The following EXOC6 variants were observed in gnomAD, a reference collection of about 807,000 sequenced individuals.
EXOC6 encodes SEC15-like 1.
EXOC6 carries 60 observed loss-of-function variants against 112.5 expected under a neutral mutation model. The ratio of observed to expected loss-of-function variants is 0.53; its 90% CI spans 0.43 to 0.66. The LOEUF is 0.66. EXOC6 is among the 30% of genes least tolerant of loss of function. The probability of loss-of-function intolerance (pLI) is 0.00; values close to 1 mark genes in which losing one functional copy is unlikely to be tolerated. For missense variants in EXOC6, 855 were observed against 957.1 expected, an observed-to-expected ratio of 0.89 and a Z score of 1.41; for synonymous variants, 295 against 308.0, an observed-to-expected ratio of 0.96 and a Z score of 0.44.
intron 4 of EXOC6, among the ~76,000 whole-genome samples, chr10:92,898,083 T>C (rs765802447): frequency 1.3e-5 from 2 of 151,990 alleles, no homozygotes; most frequent in Non-Finnish European, 2.9e-5. Flanking sequence ...TGCAGTGCAG[T>C]TGCCTAACTC....
At chr10:92,896,172 TA>T (rs1564810018) in intron 4 of EXOC6, among the ~76,000 whole-genome samples, 14 of 27,914 alleles carry the variant, frequency 5.0e-4, no homozygotes, top group East Asian at 5.2e-3. Context: ...TATATATATA[TA>T]TATATATATT....
intron 1 of EXOC6, among the ~76,000 whole-genome samples, chr10:92,866,538 T>C (rs1848182734): frequency 6.6e-6 from 1 of 152,170 alleles, no homozygotes; most frequent in African/African-American, 2.4e-5. Flanking sequence ...TATCAAGGTT[T>C]TGTTACCTAA....
intron 18 of EXOC6, among the ~76,000 whole-genome samples, chr10:92,991,483 T>A (rs1843251397): frequency 6.7e-6 from 1 of 148,874 alleles, no homozygotes; most frequent in Admixed American, 6.7e-5. Context: ...GGCAATATCA[T>A]GGGACTGCCA....
At chr10:92,844,107 C>T (rs543682103), upstream of EXOC6, among the ~76,000 whole-genome samples, 2 of 148,794 alleles carry the variant, frequency 1.3e-5, no homozygotes, top group African/African-American at 2.5e-5. Flanking sequence ...GCCGAGATCG[C>T]GCCACTGCAC....
At chr10:92,988,246 A>G (rs2134145666) in intron 18 of EXOC6, among the ~76,000 whole-genome samples, 1 of 152,230 alleles carries the variant, frequency 6.6e-6, no homozygotes. Flanking sequence ...TTACGGCTTT[A>G]TCGTATTTTG....
At chr10:92,897,525 C>T (rs1302049572) in intron 4 of EXOC6, among the ~76,000 whole-genome samples, 1 of 152,168 alleles carries the variant, frequency 6.6e-6, no homozygotes, top group Non-Finnish European at 1.5e-5. Context: ...GGCAAACCTG[C>T]CTCCTATTTT....
chr10:92,993,834 C>T (rs1843366494), intron 18 of EXOC6, among the ~76,000 whole-genome samples: 1 of 152,140 alleles, frequency 6.6e-6, no homozygotes, highest in African/African-American at 2.4e-5. Context: ...CATTAAAAGC[C>T]TTATTTCACA....
intron 1 of EXOC6, among the ~76,000 whole-genome samples, chr10:92,840,451 A>C (rs957736729): frequency 5.9e-5 from 9 of 152,194 alleles, no homozygotes. Context: ...GGCACAGAGT[A>C]AATAATAAAT....
At chr10:92,929,266 A>T (rs1330480730) in intron 9 of EXOC6, among the ~76,000 whole-genome samples, 7 of 152,204 alleles carry the variant, frequency 4.6e-5, no homozygotes, top group Admixed American at 4.6e-4. Flanking sequence ...TGAGTGAACG[A>T]GAGAAAAAAT....
At chr10:92,839,058 G>A (rs1446336449) in intron 1 of EXOC6, among the ~76,000 whole-genome samples, 1 of 151,708 alleles carries the variant, frequency 6.6e-6, no homozygotes, top group Non-Finnish European at 1.5e-5. Flanking sequence ...GGGCGACAGA[G>A]TGAGACTCCT....
intron 19 of EXOC6, among the ~76,000 whole-genome samples, chr10:93,008,868 C>A (rs539554643): frequency 2.3e-4 from 35 of 152,278 alleles, no homozygotes; most frequent in Admixed American, 2.3e-3. Flanking sequence ...TATAAATACA[C>A]TAAGTGTATA....
intron 12 of EXOC6, among the ~76,000 whole-genome samples, chr10:92,937,866 C>T (rs532929342): frequency 2.0e-5 from 3 of 152,226 alleles, no homozygotes; most frequent in African/African-American, 7.2e-5. Context: ...AAAGTGTGGT[C>T]TGTGGACCAC....
upstream of EXOC6, chr10:92,848,414 C>T: frequency 1.2e-6 from 1 of 837,246 alleles, no homozygotes; most frequent in Non-Finnish European, 1.5e-6. Context: ...CCGCGCGCCC[C>T]CGCGCCGCCG....
At chr10:93,018,060 A>T (rs563952303) in intron 20 of EXOC6, among the ~76,000 whole-genome samples, 1 of 151,884 alleles carries the variant, frequency 6.6e-6, no homozygotes, top group East Asian at 1.9e-4. Context: ...TAAAAAAGAA[A>T]TACATTCTTT....
At chr10:93,049,060 ATT>A (rs1206244383) in intron 20 of EXOC6, among the ~76,000 whole-genome samples, 16 of 142,880 alleles carry the variant, frequency 1.1e-4, no homozygotes, top group Non-Finnish European at 9.2e-5. Context: ...TAATAGCAGC[ATT>A]TTTTTTTTTT....
At chr10:92,861,091 A>G (rs1226561652) in intron 1 of EXOC6, among the ~76,000 whole-genome samples, 2 of 152,140 alleles carry the variant, frequency 1.3e-5, no homozygotes, top group Non-Finnish European at 2.9e-5. Flanking sequence ...CCTCCTTTCA[A>G]TTGCTTAATA....
chr10:93,038,065 A>AAAAAT lies in EXOC6; in HGVS notation c.2170-18858_2170-18857insAAATA, dbSNP rs1316311788. ...CAAAAAAAAAAAAAAAAAAAAAAAAAATTTTTCTCTAATAAATTTTTTTTG... is the reference window on the plus strand; with the variant it reads ...CAAAAAAAAAAAAAAAAAAAAAAAAAAAAATATTTTTCTCTAATAAATTTTTTTTG... On this transcript the variant is annotated intron_variant, in intron 20 of 21. Transcript: ENST00000260762. 2.1e-3 allele frequency among the ~76,000 whole-genome samples: 270 copies of AAAAAT among 126,088 alleles called. 16 individuals carry two copies. The highest frequency in any genetic ancestry group is 3.4e-3 in the Non-Finnish European group (214 of 62,226). The allele number at this position is 126,088 out of a possible 152,430, so 82.7% of individuals were successfully genotyped here. A position where few individuals can be genotyped will look rare whatever the true frequency, so the allele number is the denominator to read the frequency against.
intron 12 of EXOC6, among the ~76,000 whole-genome samples, chr10:92,937,590 G>A (rs933700066): frequency 2.0e-5 from 3 of 151,926 alleles, no homozygotes; most frequent in African/African-American, 7.2e-5. Flanking sequence ...AATTTGTATG[G>A]CTTATATTTT....
At chr10:92,861,082 C>G (rs1182988076) in intron 1 of EXOC6, among the ~76,000 whole-genome samples, 1 of 152,202 alleles carries the variant, frequency 6.6e-6, no homozygotes, top group Non-Finnish European at 1.5e-5. Context: ...AGCTACCAAC[C>G]TCCTTTCAAT....
Sources: gnomAD v4.1 joint callset for allele counts (sites outside exome capture counted in the v4.1 genomes callset) on GRCh38, gnomAD v4.1.1 for gene constraint, MANE v1.5 for transcripts, NCBI Gene and HGNC (gene_info 2026-07-23, HGNC 2026-07-21) for gene names.